SUGCT: variants seen among roughly 807,000 people sequenced by gnomAD.
SUGCT encodes succinyl-CoA:glutarate-CoA transferase.
Under a neutral mutation model 55.0 loss-of-function variants are expected in SUGCT, and 41 were observed. The ratio of observed to expected loss-of-function variants is 0.74; its 90% CI spans 0.58 to 0.97. The LOEUF is 0.97. SUGCT is among the 50% of genes least tolerant of loss of function. SUGCT has a pLI of 0.00. For missense variants in SUGCT, 568 were observed against 547.8 expected (o/e 1.04, Z -0.37); for synonymous variants, 187 against 200.4 (o/e 0.93, Z 0.56).
chr7:40,244,378 GA>G (rs1339696781), intron 7 of SUGCT, among the ~76,000 whole-genome samples: 5 of 152,228 alleles, frequency 3.3e-5, no homozygotes, highest in Middle Eastern at 6.8e-3. Context: ...CGGTCTTAGG[GA>G]AAACAATAGG....
intron 13 of SUGCT, among the ~76,000 whole-genome samples, chr7:40,820,130 T>G (rs148512235): frequency 0.026 from 4,005 of 152,320 alleles, 67 homozygotes; most frequent in Non-Finnish European, 0.038. Flanking sequence ...TATATCTCTG[T>G]TTTGGTACCA....
In SUGCT at chr7:40,745,365, A is replaced by T. The variant is rs554707341; in HGVS notation, c.1090-4069A>T. 2.0e-5 allele frequency among the ~76,000 whole-genome samples: 3 copies of T among 151,988 alleles called. No individual in the cohort carries two copies. The East Asian group carries it at 5.8e-4, about 29-fold the overall frequency. ...TTGTCTTGCTAGTGCTATATTACAA[A>T]TTTTTTTCTTCTGCCATTTCTGCCA... is the stretch of plus-strand genomic sequence containing the variant. On this transcript the variant is annotated intron_variant, in intron 12 of 13. Transcript: ENST00000335693.
intron 5 of SUGCT, among the ~76,000 whole-genome samples, chr7:40,193,415 G>A (rs2150744231): frequency 6.7e-6 from 1 of 149,952 alleles, no homozygotes; most frequent in East Asian, 2.0e-4. Flanking sequence ...CTCCTGAGTA[G>A]CTGAGACTAC....
At chr7:40,920,843 G>A in the SUGCT span, among the ~76,000 whole-genome samples, 3 of 152,202 alleles carry the variant, frequency 2.0e-5, no homozygotes, top group Non-Finnish European at 2.9e-5. Flanking sequence ...CAAGTTTAAG[G>A]TTTAAATACT....
chr7:40,453,839 T>A (rs1304531753), intron 10 of SUGCT, among the ~76,000 whole-genome samples: 2 of 152,206 alleles, frequency 1.3e-5, no homozygotes, highest in Non-Finnish European at 2.9e-5. Flanking sequence ...AACGCGAAGA[T>A]GACACAGATG....
At chr7:40,613,991 C>T (rs1210067847) in intron 12 of SUGCT, among the ~76,000 whole-genome samples, 2 of 152,106 alleles carry the variant, frequency 1.3e-5, no homozygotes, top group African/African-American at 4.8e-5. Context: ...TGTCATGTTT[C>T]GAATGTCATA....
At chr7:40,329,066 A>G (rs1267082883) in intron 9 of SUGCT, among the ~76,000 whole-genome samples, 2 of 152,284 alleles carry the variant, frequency 1.3e-5, no homozygotes, top group Admixed American at 6.5e-5. Context: ...ATGTAGTTAC[A>G]TGTCCTGTTT....
intron 12 of SUGCT, among the ~76,000 whole-genome samples, chr7:40,671,188 CTT>C (rs1422107910): frequency 1.3e-5 from 2 of 152,108 alleles, no homozygotes; most frequent in Non-Finnish European, 2.9e-5. Context: ...TCTGTTGAGT[CTT>C]TCAATCTGTG....
At chr7:40,953,404 C>T in the SUGCT span, among the ~76,000 whole-genome samples, 2 of 152,212 alleles carry the variant, frequency 1.3e-5, no homozygotes, top group African/African-American at 4.8e-5. Flanking sequence ...TGAACTTCCT[C>T]CTTTAGCTTG....
At chr7:40,245,096 C>A (rs1208516302) in intron 7 of SUGCT, among the ~76,000 whole-genome samples, 2 of 151,780 alleles carry the variant, frequency 1.3e-5, no homozygotes, top group Non-Finnish European at 2.9e-5. Flanking sequence ...GCTCTGTTGC[C>A]CAGGCTGGAG....
intron 12 of SUGCT, among the ~76,000 whole-genome samples, chr7:40,693,886 T>C (rs1216444106): frequency 6.6e-6 from 1 of 152,194 alleles, no homozygotes; most frequent in African/African-American, 2.4e-5. Context: ...TTTAAAACAA[T>C]TTCATTTCAA....
At chr7:40,730,428 A>T (rs1414095292) in intron 12 of SUGCT, among the ~76,000 whole-genome samples, 2 of 152,220 alleles carry the variant, frequency 1.3e-5, no homozygotes, top group Non-Finnish European at 2.9e-5. Flanking sequence ...TTTAATGACA[A>T]ATAATAATGA....
intron 9 of SUGCT, among the ~76,000 whole-genome samples, chr7:40,325,908 TGTTTG>T (rs1460730967): frequency 2.1e-5 from 3 of 144,082 alleles, no homozygotes; most frequent in Non-Finnish European, 3.0e-5. Flanking sequence ...CTTTTTTTTT[TGTTTG>T]TTTTTGGCAG....
chr7:40,944,577 G>T, the SUGCT span, among the ~76,000 whole-genome samples: 1 of 152,086 alleles, frequency 6.6e-6, no homozygotes, highest in Admixed American at 6.6e-5. Context: ...GTTTGTCAAA[G>T]ATCAGATAGT....
At chr7:40,454,633 C>T (rs1789376916) in intron 10 of SUGCT, among the ~76,000 whole-genome samples, 1 of 151,968 alleles carries the variant, frequency 6.6e-6, no homozygotes, top group Admixed American at 6.5e-5. Context: ...AATGTATTAT[C>T]CATGGGGAAA....
chr7:40,820,696 T>C (rs1270935925), intron 13 of SUGCT, among the ~76,000 whole-genome samples: 1 of 152,128 alleles, frequency 6.6e-6, no homozygotes, highest in East Asian at 1.9e-4. Context: ...AAATATACAA[T>C]CATGTCATCT....
At chr7:40,608,915 C>T (rs17171748) in intron 12 of SUGCT, among the ~76,000 whole-genome samples, 6,726 of 152,166 alleles carry the variant, frequency 0.044, 489 homozygotes, top group African/African-American at 0.15. Context: ...AGAACAGCTC[C>T]GAGTTGTAGT....
the SUGCT span, among the ~76,000 whole-genome samples, chr7:40,944,876 G>A: frequency 6.6e-6 from 1 of 152,180 alleles, no homozygotes; most frequent in Non-Finnish European, 1.5e-5. Context: ...GTGCTTTCAA[G>A]GGTGAAGACT....
the SUGCT span, among the ~76,000 whole-genome samples, chr7:40,898,859 G>A: frequency 1.3e-5 from 2 of 152,214 alleles, no homozygotes; most frequent in East Asian, 1.9e-4. Flanking sequence ...TGTGATCAAA[G>A]TGAATAGTTC....
Sources: allele counts gnomAD v4.1 joint callset (sites outside exome capture counted in the v4.1 genomes callset), GRCh38; gene constraint gnomAD v4.1.1; transcripts MANE v1.5; gene names NCBI Gene and HGNC (gene_info 2026-07-23, HGNC 2026-07-21).